PHLPP2: variants seen among roughly 807,000 people sequenced by gnomAD.
The protein encoded by PHLPP2 is PH domain and leucine rich repeat protein phosphatase 2, also known as PH domain leucine-rich repeat-containing protein phosphatase 2.
Under a neutral mutation model 124.9 loss-of-function variants are expected in PHLPP2, and 66 were observed. The observed-to-expected ratio is 0.53, with a 90% confidence interval of 0.43 to 0.65. PHLPP2 has a LOEUF of 0.65. Ranked by LOEUF, PHLPP2 falls within the 30% of genes least tolerant of loss-of-function variation. The pLI, the probability that PHLPP2 is intolerant of heterozygous loss-of-function variation, is 0.00. For missense variants in PHLPP2, 1,685 were observed against 1,600.4 expected (o/e 1.05, Z -0.90); for synonymous variants, 681 against 624.7 (o/e 1.09, Z -1.34).
Position 71,655,401 on chromosome 16 carries a change from A to C in PHLPP2, c.2424T>G (p.Phe808Leu), listed in dbSNP as rs1200461372. The change falls in exon 17 of 19, where the codon TTT becomes TTG. Residue 808 changes from phenylalanine (F) to leucine (L), a missense_variant. Coordinates refer to ENST00000568954, the MANE Select transcript of PHLPP2 (RefSeq NM_015020.3). Reference sequence around the variant, plus strand: ...CATACACAGCTCCCACCCCCTCTGCAAAGCTATCCATAGCAAGTGCTGAGA... The same window carrying C: ...CATACACAGCTCCCACCCCCTCTGCCAAGCTATCCATAGCAAGTGCTGAGA... ...LCVSALAMDS[F>L]AEGVGAVYGM... 1.2e-6 allele frequency: 2 copies of C among 1,614,162 alleles called. No homozygotes were observed. Among genetic ancestry groups the C allele is most frequent in the Admixed American group, 3.3e-5 (2 of 60,024 alleles).
chr16:71,675,922 T>C lies in PHLPP2; in HGVS notation c.1471+525A>G, dbSNP rs1056915616. On this transcript the variant is annotated intron_variant, in intron 9 of 18. Coordinates refer to ENST00000568954, the MANE Select transcript of PHLPP2 (RefSeq NM_015020.3). The stretch of plus-strand genomic sequence containing the variant: ...TTTTTGTAGAAATGGGGTTTCACCA[T>C]GTTGCCCAGGCTAATCTCGAACTCC... 3.9e-5 allele frequency among the ~76,000 whole-genome samples: 6 copies of C among 152,142 alleles called. No homozygotes were observed. In the South Asian group the frequency reaches 1.0e-3, roughly 26 times the overall value.
rs2044669447 is a variant in PHLPP2, at chr16:71,648,590, T to C, written c.*300A>G. On this transcript the variant is annotated 3_prime_UTR_variant, in exon 19 of 19. Coordinates refer to ENST00000568954, the MANE Select transcript of PHLPP2 (RefSeq NM_015020.3). ...TTCAACACCAGCCTGGCCAACATGGTGAAACCCCGTCTCTAAAAAAAAAAA... is the reference window on the plus strand; with the variant it reads ...TTCAACACCAGCCTGGCCAACATGGCGAAACCCCGTCTCTAAAAAAAAAAA... 2 of 328,726 alleles carry C rather than the reference T, an allele frequency of 6.1e-6. No individual in the cohort carries two copies. Among genetic ancestry groups the C allele is most frequent in the African/African-American group, 2.5e-5 (1 of 40,642 alleles). 20.4% of individuals were successfully genotyped at this position (328,726 alleles called of 1,614,324 possible).
intron 4 of PHLPP2, among the ~76,000 whole-genome samples, chr16:71,686,401 T>C (rs2045055487): frequency 6.6e-6 from 1 of 152,140 alleles, no homozygotes; most frequent in Admixed American, 6.5e-5. Flanking sequence ...CTTGAACTCC[T>C]AGACTCAAAC....
At chr16:71,707,199 C>T (rs2045281612) in intron 2 of PHLPP2, among the ~76,000 whole-genome samples, 1 of 151,958 alleles carries the variant, frequency 6.6e-6, no homozygotes, top group Non-Finnish European at 1.5e-5. Flanking sequence ...TCGTGATCCG[C>T]CCGCCTCGGC....
At chr16:71,709,468 G>A (rs977753914) in intron 2 of PHLPP2, among the ~76,000 whole-genome samples, 1 of 151,994 alleles carries the variant, frequency 6.6e-6, no homozygotes, top group Admixed American at 6.5e-5. Context: ...AAAAACAGTT[G>A]GTTATTTCGA....
At chr16:71,684,291 A>C (rs564749263) in intron 5 of PHLPP2, among the ~76,000 whole-genome samples, 185 bp downstream of exon 5, 1 of 150,212 alleles carries the variant, frequency 6.7e-6, no homozygotes, top group Non-Finnish European at 1.5e-5. Flanking sequence ...ACACCCAGCT[A>C]ATTTTTTGTA....
At chr16:71,655,021 C>T in intron 17 of PHLPP2, 4 of 495,752 alleles carry the variant, frequency 8.1e-6, no homozygotes, top group South Asian at 7.3e-5. Context: ...TCCTCAGCAG[C>T]CTTTGGATTC....
intron 3 of PHLPP2, among the ~76,000 whole-genome samples, chr16:71,701,975 T>C (rs1259565976): frequency 6.6e-6 from 1 of 152,216 alleles, no homozygotes; most frequent in Non-Finnish European, 1.5e-5. Flanking sequence ...CCACTAAGGA[T>C]CTTGGAACGC....
chr16:71,701,546 G>A (rs1167050267), intron 3 of PHLPP2, among the ~76,000 whole-genome samples: 1 of 152,004 alleles, frequency 6.6e-6, no homozygotes, highest in East Asian at 1.9e-4. Context: ...TCCTCTTAAG[G>A]GTATAGTACA....
At chr16:71,654,555 G>A (rs1457822530) in intron 17 of PHLPP2, among the ~76,000 whole-genome samples, 1 of 152,158 alleles carries the variant, frequency 6.6e-6, no homozygotes, top group African/African-American at 2.4e-5. Flanking sequence ...TGATCACAAG[G>A]GTAAACAACC....
chr16:71,681,334 G>A (rs546850079), intron 6 of PHLPP2, among the ~76,000 whole-genome samples: 4 of 152,268 alleles, frequency 2.6e-5, no homozygotes, highest in South Asian at 4.1e-4. Context: ...CTGACTAAAC[G>A]CATAAGAGTT....
At chr16:71,713,945 C>T (rs9923679) in intron 2 of PHLPP2, among the ~76,000 whole-genome samples, 48,428 of 140,046 alleles carry the variant, frequency 0.35, 9,035 homozygotes, top group East Asian at 0.76. Context: ...AACAACTTTT[C>T]TTTTTTTTTT....
chr16:71,679,585 T>A, intron 6 of PHLPP2, 50 bp from the exon 7 acceptor site: 1 of 1,511,310 alleles, frequency 6.6e-7, no homozygotes, highest in Non-Finnish European at 9.2e-7. Context: ...CATCTATTAC[T>A]GTATCTTTAC....
chr16:71,723,822 C>G, intron 1 of PHLPP2: 3 of 1,262,356 alleles, frequency 2.4e-6, no homozygotes, highest in Non-Finnish European at 3.0e-6. Flanking sequence ...TCGGGCGGCT[C>G]CGGGGGCTCC....
At chr16:71,714,389 G>C in intron 2 of PHLPP2, 123 bp downstream of exon 2, 1 of 1,273,492 alleles carries the variant, frequency 7.9e-7, no homozygotes, top group Non-Finnish European at 1.0e-6. Context: ...AAATCTTGAA[G>C]CCCAGTGAGT....
chr16:71,675,959 G>T (rs189067646), intron 9 of PHLPP2, among the ~76,000 whole-genome samples: 1 of 152,046 alleles, frequency 6.6e-6, no homozygotes, highest in African/African-American at 2.4e-5. Flanking sequence ...GAGCTCAGGT[G>T]ATCAGCCCAC....
intron 9 of PHLPP2, among the ~76,000 whole-genome samples, chr16:71,674,133 A>G (rs896159340): frequency 6.7e-6 from 1 of 148,740 alleles, no homozygotes; most frequent in African/African-American, 2.5e-5. Context: ...GCTGGAGTGT[A>G]ATGGCATGAC....
chr16:71,702,318 T>C (rs1231765081), intron 3 of PHLPP2, among the ~76,000 whole-genome samples: 2 of 152,184 alleles, frequency 1.3e-5, no homozygotes, highest in African/African-American at 4.8e-5. Context: ...TACTAAAGCA[T>C]GATCCAGTCA....
At chr16:71,718,319 C>T (rs1283344862) in intron 1 of PHLPP2, among the ~76,000 whole-genome samples, 1 of 152,214 alleles carries the variant, frequency 6.6e-6, no homozygotes. Flanking sequence ...GTGGCTCACA[C>T]CTGTAATCCC....
Sources: allele counts gnomAD v4.1 joint callset (sites outside exome capture counted in the v4.1 genomes callset), GRCh38; gene constraint gnomAD v4.1.1; transcripts MANE v1.5; gene names NCBI Gene and HGNC (gene_info 2026-07-23, HGNC 2026-07-21).